Variants in PAIP1 observed in about 807,000 individuals in gnomAD.
PAIP1 encodes the protein poly(A) binding protein interacting protein 1.
Under a neutral mutation model 61.3 loss-of-function variants are expected in PAIP1, and 16 were observed. That is an observed-to-expected ratio of 0.26 (90% confidence interval 0.18 to 0.40). The LOEUF (loss-of-function observed/expected upper bound fraction) is 0.40, where lower values mean the gene tolerates loss of function less well. Ranked by LOEUF, PAIP1 falls within the 10% of genes least tolerant of loss-of-function variation. The pLI, the probability that PAIP1 is intolerant of heterozygous loss-of-function variation, is 1.00. For synonymous variants in PAIP1, 187 were observed against 226.2 expected, an observed-to-expected ratio of 0.83 and a Z score of 1.56; for missense variants, 416 against 600.9, an observed-to-expected ratio of 0.69 and a Z score of 3.22.
intron 2 of PAIP1, among the ~76,000 whole-genome samples, chr5:43,551,665 A>C (rs1747871629): frequency 6.6e-6 from 1 of 152,162 alleles, no homozygotes; most frequent in Non-Finnish European, 1.5e-5. Context: ...TACGGGTCCC[A>C]GCTGAAAGTA....
Position 43,556,811 on chromosome 5 carries a change from A to C in PAIP1, c.36T>G (p.Gly12=), listed in dbSNP as rs1748111138. ...SDGFDRAPGA[G]RGRSRGLGRG... is the part of the protein sequence containing the mutation. ...GGCCCAGGCCCCGGCTCCGGCCCCG[A>C]CCAGCACCTGGGGCCCGATCGAAAC... Residue 12 remains glycine (G), a synonymous_variant, in exon 1 of 11, where the codon GGT becomes GGG. Coordinates refer to ENST00000306846, the MANE Select transcript of PAIP1 (RefSeq NM_006451.5). 2.8e-6 allele frequency: 4 copies of C among 1,453,088 alleles called. No individual in the cohort carries two copies. Among genetic ancestry groups the C allele is most frequent in the Non-Finnish European group, 3.6e-6 (4 of 1,105,386 alleles). 90.0% of individuals were successfully genotyped at this position (1,453,088 alleles called of 1,614,324 possible).
chr5:43,532,770 G>A (rs993761276), intron 9 of PAIP1, among the ~76,000 whole-genome samples: 1 of 152,148 alleles, frequency 6.6e-6, no homozygotes, highest in Non-Finnish European at 1.5e-5. Flanking sequence ...CAGTAAGACA[G>A]ACAAATGATC....
intron 1 of PAIP1, 138 bp from the exon 2 acceptor site, chr5:43,556,137 C>A: frequency 7.0e-7 from 1 of 1,437,424 alleles, no homozygotes; most frequent in Non-Finnish European, 9.2e-7. Context: ...TGGTTATCGC[C>A]GGAATGTGTA....
At chr5:43,535,668 G>T in intron 6 of PAIP1, 28 bp from the exon 7 acceptor site, 1 of 1,183,030 alleles carries the variant, frequency 8.5e-7, no homozygotes, top group Non-Finnish European at 1.3e-6. Context: ...AGTAAAATAA[G>T]AAATTCAATA....
intron 2 of PAIP1, among the ~76,000 whole-genome samples, chr5:43,549,544 C>T (rs932751974): frequency 6.6e-6 from 1 of 152,028 alleles, no homozygotes; most frequent in Admixed American, 6.6e-5. Flanking sequence ...TTTCACCTCC[C>T]GCCATGATTC....
rs918758017 is a variant in PAIP1, at chr5:43,556,823, G to A, written c.24C>T (p.Ala8=). 4.8e-6 allele frequency: 7 copies of A among 1,453,014 alleles called. No homozygotes were observed. The highest frequency in any genetic ancestry group is 1.5e-5 in the African/African-American group (1 of 67,222). 90.0% of individuals were successfully genotyped at this position (1,453,014 alleles called of 1,614,324 possible). A position where few individuals can be genotyped will look rare whatever the true frequency, so the allele number is the denominator to read the frequency against. Residue 8 remains alanine, a synonymous_variant, in exon 1 of 11, where the codon GCC becomes GCT. Transcript: ENST00000306846. ...GGCTCCGGCCCCGACCAGCACCTGG[G>A]GCCCGATCGAAACCGTCCGACATGC... The part of the protein sequence containing the change: MSDGFDR[A]PGAGRGRSRG...
chr5:43,538,410 G>T (rs1268419307), intron 5 of PAIP1, among the ~76,000 whole-genome samples: 5 of 152,070 alleles, frequency 3.3e-5, no homozygotes, highest in African/African-American at 1.2e-4. Context: ...GCCATTCTAC[G>T]ATGTATGCAT....
chr5:43,542,601 T>G (rs145929318), intron 4 of PAIP1, among the ~76,000 whole-genome samples: 281 of 148,082 alleles, frequency 1.9e-3, no homozygotes, highest in African/African-American at 6.7e-3. Flanking sequence ...AGGAACAGAA[T>G]AAGTGATAAA....
intron 3 of PAIP1, among the ~76,000 whole-genome samples, chr5:43,547,326 C>T (rs1431298282): frequency 6.6e-6 from 1 of 151,944 alleles, no homozygotes; most frequent in Non-Finnish European, 1.5e-5. Context: ...TTCAATTCAA[C>T]ACATAGGGGA....
At chr5:43,549,003 C>T (rs1303072096) in intron 2 of PAIP1, among the ~76,000 whole-genome samples, 1 of 152,042 alleles carries the variant, frequency 6.6e-6, no homozygotes, top group Non-Finnish European at 1.5e-5. Context: ...TGCAGTGGTG[C>T]AATCTTGGCT....
intron 2 of PAIP1, among the ~76,000 whole-genome samples, chr5:43,553,063 G>T (rs950988207): frequency 1.1e-4 from 17 of 151,968 alleles, no homozygotes; most frequent in African/African-American, 3.6e-4. Context: ...AAAAAAGCTC[G>T]TTTTTTTGCA....
At chr5:43,533,943 C>T in intron 8 of PAIP1, 151 bp from the exon 9 acceptor site, 1 of 637,548 alleles carries the variant, frequency 1.6e-6, no homozygotes, top group East Asian at 2.7e-5. Flanking sequence ...ATTTTCACTT[C>T]ACTGAGAAAG....
Position 43,529,816 on chromosome 5 carries a change from T to C in PAIP1, c.1316A>G (p.Asn439Ser), listed in dbSNP as rs1169413260. ...ACCAGCCCCGGATAAATCTGTTCCATTTTCTTCATAATCTGGAAAAAAGTC... is the reference window on the plus strand; with the variant it reads ...ACCAGCCCCGGATAAATCTGTTCCACTTTCTTCATAATCTGGAAAAAAGTC... ...REDFFPDYEE[N>S]GTDLSGAGDP... Residue 439 changes from asparagine to serine, a missense_variant, in exon 10 of 11, where the codon AAT becomes AGT. Physicochemically the swap from Asn to Ser is conservative, Grantham distance 46. This residue lies in a region of PAIP1 where 135 missense variants were observed against 283.9 expected (regional missense o/e 0.48). Transcript: ENST00000306846. 1.3e-6 allele frequency: 2 copies of C among 1,576,730 alleles called. No individual in the cohort carries two copies. Among genetic ancestry groups the C allele is most frequent in the East Asian group, 2.2e-5 (1 of 44,710 alleles).
chr5:43,529,357 G>A (rs974543746), intron 10 of PAIP1, among the ~76,000 whole-genome samples: 1 of 151,544 alleles, frequency 6.6e-6, no homozygotes, highest in Non-Finnish European at 1.5e-5. Context: ...ACAATTTTCT[G>A]AAAATTTTTA....
At chr5:43,550,837 C>CAAAAAAAAAAAAAAAAAAAAAA (rs373730839) in intron 2 of PAIP1, among the ~76,000 whole-genome samples, 13 of 49,564 alleles carry the variant, frequency 2.6e-4, no homozygotes, top group African/African-American at 4.0e-4. Flanking sequence ...AAATATACTA[C>CAAAAAAAAAAAAAAAAAAAAAA]AAAAAAAAAA....
chr5:43,543,254 T>C (rs544504224), intron 3 of PAIP1, 138 bp from the exon 4 acceptor site: 1 of 326,970 alleles, frequency 3.1e-6, no homozygotes, highest in African/African-American at 2.4e-5. Context: ...TTGTTAGGCT[T>C]AAGGAAATTA....
At chr5:43,538,879 T>C (rs1199977954) in intron 5 of PAIP1, 45 bp downstream of exon 5, 1 of 925,570 alleles carries the variant, frequency 1.1e-6, no homozygotes, top group Non-Finnish European at 1.8e-6. Context: ...GATCAACTTA[T>C]GTTCTCAGGC....
chr5:43,539,976 A>G (rs1206643054), intron 4 of PAIP1, among the ~76,000 whole-genome samples: 2 of 152,246 alleles, frequency 1.3e-5, no homozygotes, highest in Non-Finnish European at 2.9e-5. Flanking sequence ...CCTTTTCAAG[A>G]CAAAGGGAAA....
intron 6 of PAIP1, 128 bp from the exon 7 acceptor site, chr5:43,535,768 TTCTG>T (rs1320645159): frequency 3.9e-5 from 24 of 620,276 alleles, no homozygotes; most frequent in Admixed American, 1.2e-4. Flanking sequence ...TTCCTAATTA[TTCTG>T]TCTACCATCT....
Sources: gnomAD v4.1 joint callset for allele counts (sites outside exome capture counted in the v4.1 genomes callset) on GRCh38, gnomAD v4.1.1 for gene constraint, gnomAD v4.1.1 regional missense constraint, MANE v1.5 for transcripts, NCBI Gene and HGNC (gene_info 2026-07-23, HGNC 2026-07-21) for gene names.